DOK6: variants seen among roughly 807,000 people sequenced by gnomAD.
DOK6 encodes the protein docking protein 6.
In DOK6, 22 loss-of-function variants were observed where a neutral mutation model predicts 44.0. That is an observed-to-expected ratio of 0.50 (90% CI 0.36 to 0.71). DOK6 has a LOEUF of 0.71. DOK6 is among the 30% of genes least tolerant of loss of function. DOK6 has a pLI of 0.00. For synonymous variants in DOK6, 166 were observed against 145.5 expected, an observed-to-expected ratio of 1.14 and a Z score of -1.01; for missense variants, 340 against 416.4, an observed-to-expected ratio of 0.82 and a Z score of 1.60.
At chr18:69,666,091 C>T (rs74430475) in intron 3 of DOK6, among the ~76,000 whole-genome samples, 4,317 of 152,228 alleles carry the variant, frequency 0.028, 210 homozygotes, top group African/African-American at 0.097. Flanking sequence ...TTTTCAACCT[C>T]GAAAAGCTCC....
intron 1 of DOK6, among the ~76,000 whole-genome samples, chr18:69,457,343 T>C (rs1377275893): frequency 2.6e-5 from 4 of 152,172 alleles, no homozygotes; most frequent in African/African-American, 9.7e-5. Context: ...AAAGATAAGG[T>C]TCTAGTTTCA....
At chr18:69,696,908 A>AT (rs1284003198) in intron 4 of DOK6, among the ~76,000 whole-genome samples, 3 of 152,198 alleles carry the variant, frequency 2.0e-5, no homozygotes, top group Non-Finnish European at 4.4e-5. Flanking sequence ...TAATGAGGCA[A>AT]TGTTCTTTCT....
chr18:69,471,205 G>A lies in DOK6; in HGVS notation c.66+69895G>A, dbSNP rs1025362840. ...GCAGAGGTTGCGGTGAGCTGAGATC[G>A]CGCCATTGCACTCTAGCCTGGGCAA... On this transcript the variant is annotated intron_variant, in intron 1 of 7. Coordinates refer to ENST00000382713, the MANE Select transcript of DOK6 (RefSeq NM_152721.6). Among the ~76,000 whole-genome samples, 5 of 133,358 alleles carry A rather than the reference G, an allele frequency of 3.7e-5. No homozygotes were observed. The Admixed American group carries it at 4.4e-4, about 12-fold the overall frequency. The allele number at this position is 133,358 out of a possible 152,430, so 87.5% of individuals were successfully genotyped here.
chr18:69,645,722 T>G (rs759305692), intron 3 of DOK6, among the ~76,000 whole-genome samples: 1 of 152,142 alleles, frequency 6.6e-6, no homozygotes, highest in South Asian at 2.1e-4. Flanking sequence ...AAAAAAACCT[T>G]GTACATAATT....
intron 1 of DOK6, among the ~76,000 whole-genome samples, chr18:69,563,352 G>A (rs1051825082): frequency 1.1e-4 from 17 of 152,080 alleles, no homozygotes; most frequent in African/African-American, 1.9e-4. Flanking sequence ...ACATGCACAC[G>A]TATGTTTATT....
chr18:69,766,219 A>G (rs903514894), intron 7 of DOK6, among the ~76,000 whole-genome samples: 6 of 152,252 alleles, frequency 3.9e-5, no homozygotes, highest in Admixed American at 1.3e-4. Context: ...TTGGTTACAC[A>G]TGGACATAAG....
intron 1 of DOK6, among the ~76,000 whole-genome samples, chr18:69,435,029 A>AGGAAGGAAGGACGGAC (rs1298054822): frequency 0.051 from 2,235 of 44,032 alleles, 137 homozygotes; most frequent in Non-Finnish European, 0.062. Context: ...GAGGGAGGGA[A>AGGAAGGAAGGACGGAC]GGAAGGAAGG....
intron 2 of DOK6, among the ~76,000 whole-genome samples, chr18:69,572,654 A>G (rs901004607): frequency 2.0e-5 from 3 of 152,052 alleles, no homozygotes; most frequent in Admixed American, 2.0e-4. Context: ...AGGAAAAAGG[A>G]ACAGCATAGA....
intron 7 of DOK6, among the ~76,000 whole-genome samples, chr18:69,779,755 C>G (rs1025392086): frequency 1.3e-5 from 2 of 151,530 alleles, no homozygotes; most frequent in African/African-American, 4.9e-5. Context: ...TAATCTGCCA[C>G]TGTATCATAG....
At chr18:69,655,021 G>A (rs1472404600) in intron 3 of DOK6, among the ~76,000 whole-genome samples, 2 of 152,158 alleles carry the variant, frequency 1.3e-5, no homozygotes, top group Non-Finnish European at 2.9e-5. Context: ...CTGCACCACT[G>A]CACCCCAGCC....
chr18:69,690,427 T>C (rs142157747), intron 4 of DOK6, among the ~76,000 whole-genome samples: 3 of 152,228 alleles, frequency 2.0e-5, no homozygotes, highest in Non-Finnish European at 4.4e-5. Flanking sequence ...TTTAATTGTA[T>C]TATACAGATC....
At chr18:69,552,285 T>C (rs1419813940) in intron 1 of DOK6, among the ~76,000 whole-genome samples, 1 of 152,050 alleles carries the variant, frequency 6.6e-6, no homozygotes. Context: ...TTTAGGACAT[T>C]TGGAAATATA....
At chr18:69,529,288 AC>A (rs1309782149) in intron 1 of DOK6, among the ~76,000 whole-genome samples, 2 of 152,046 alleles carry the variant, frequency 1.3e-5, no homozygotes, top group Non-Finnish European at 2.9e-5. Flanking sequence ...TATCCACCTA[AC>A]CAAGAATTCT....
chr18:69,660,979 A>G (rs1985510871), intron 3 of DOK6: 1 of 152,114 alleles, frequency 6.6e-6, no homozygotes, highest in African/African-American at 2.4e-5. Context: ...TATACCTGAT[A>G]TTTCTTATGC....
intron 7 of DOK6, among the ~76,000 whole-genome samples, chr18:69,774,156 A>ATATAGATATATATATAT (rs1473888911): frequency 8.6e-6 from 1 of 116,710 alleles, no homozygotes; most frequent in African/African-American, 2.9e-5. Flanking sequence ...ATATATATAT[A>ATATAGATATATATATAT]ATGTAATACT....
At chr18:69,403,719 G>A (rs1420450427) in intron 1 of DOK6, among the ~76,000 whole-genome samples, 1 of 152,000 alleles carries the variant, frequency 6.6e-6, no homozygotes, top group East Asian at 1.9e-4. Flanking sequence ...AATTTAAATG[G>A]CAAAACTTCA....
intron 1 of DOK6, among the ~76,000 whole-genome samples, chr18:69,538,113 T>C (rs985841485): frequency 2.0e-5 from 3 of 152,204 alleles, no homozygotes; most frequent in African/African-American, 4.8e-5. Context: ...AATAGGCTCT[T>C]TTCTCATGTA....
chr18:69,441,322 T>C (rs77202769), intron 1 of DOK6, among the ~76,000 whole-genome samples: 43,876 of 151,976 alleles, frequency 0.29, 6,900 homozygotes, highest in East Asian at 0.43. Flanking sequence ...TGTCCATCTT[T>C]CTCACAAAGG....
At position 69,747,138 on chromosome 18, in the gene DOK6, A is replaced by G. The variant is rs573559923; in HGVS notation, c.738+8035A>G. On this transcript the variant is annotated intron_variant, in intron 6 of 7. Transcript: ENST00000382713. ...AATATTCAGTAGTATAATATATGAAACCAATTTGCACATTGCCAGGCACAT... is the reference window on the plus strand; with the variant it reads ...AATATTCAGTAGTATAATATATGAAGCCAATTTGCACATTGCCAGGCACAT... 7.2e-5 allele frequency among the ~76,000 whole-genome samples: 11 copies of G among 152,238 alleles called. No individual in the cohort carries two copies. In the East Asian group the frequency reaches 1.2e-3, roughly 16 times the overall value.
Sources: allele counts gnomAD v4.1 joint callset (sites outside exome capture counted in the v4.1 genomes callset), GRCh38; gene constraint gnomAD v4.1.1; transcripts MANE v1.5; gene names NCBI Gene and HGNC (gene_info 2026-07-23, HGNC 2026-07-21).